The following EYS variants were observed in gnomAD, a reference collection of about 807,000 sequenced individuals.
EYS encodes the protein EGF-like photoreceptor maintenance factor.
EYS carries 250 observed loss-of-function variants against 282.1 expected under a neutral mutation model. That is an observed-to-expected ratio of 0.89 (90% CI 0.80 to 0.98). The LOEUF is 0.98. EYS is among the 50% of genes least tolerant of loss of function. The probability of loss-of-function intolerance (pLI) is 0.00; values close to 1 mark genes in which losing one functional copy is unlikely to be tolerated. For synonymous variants in EYS, 1,355 were observed against 1,282.9 expected, an observed-to-expected ratio of 1.06 and a Z score of -1.20; for missense variants, 4,016 against 3,709.0, an observed-to-expected ratio of 1.08 and a Z score of -2.15.
chr6:65,353,860 A>G (rs1764379838), intron 8 of EYS, among the ~76,000 whole-genome samples: 1 of 152,062 alleles, frequency 6.6e-6, no homozygotes, highest in Non-Finnish European at 1.5e-5. Flanking sequence ...CTCTCAATAT[A>G]CAACAGTCCC....
At chr6:65,103,815 CA>C (rs534233029) in intron 12 of EYS, among the ~76,000 whole-genome samples, 1 of 151,356 alleles carries the variant, frequency 6.6e-6, no homozygotes, top group Non-Finnish European at 1.5e-5. Context: ...TATGCTATAG[CA>C]TTAATAGTCA....
chr6:64,579,788 C>T (rs6901915), intron 26 of EYS, among the ~76,000 whole-genome samples: 51 of 152,196 alleles, frequency 3.4e-4, no homozygotes, highest in African/African-American at 5.3e-4. Flanking sequence ...CTCTTTCCTA[C>T]GTGAATCCTG....
At chr6:64,062,704 A>T (rs999093223) in intron 33 of EYS, among the ~76,000 whole-genome samples, 51 of 151,798 alleles carry the variant, frequency 3.4e-4, no homozygotes, top group African/African-American at 1.2e-3. Context: ...AAAAAAAAAA[A>T]AAAAAAGAAG....
chr6:64,009,925 T>C (rs1206991273), intron 33 of EYS, among the ~76,000 whole-genome samples: 4 of 152,108 alleles, frequency 2.6e-5, no homozygotes, highest in African/African-American at 4.8e-5. Context: ...TGTTTTTGCT[T>C]TTATCTTCTT....
At chr6:65,142,081 G>A (rs930287144) in intron 12 of EYS, among the ~76,000 whole-genome samples, 2 of 151,898 alleles carry the variant, frequency 1.3e-5, no homozygotes, top group African/African-American at 4.8e-5. Flanking sequence ...CTTTCAACTT[G>A]TTCATTGTAC....
chr6:65,590,111 C>T (rs914154396), intron 2 of EYS, among the ~76,000 whole-genome samples: 4 of 152,064 alleles, frequency 2.6e-5, no homozygotes, highest in Admixed American at 2.0e-4. Context: ...CCCACAATTC[C>T]ACTTTAATAT....
chr6:64,071,689 A>G (rs1171920628), intron 32 of EYS, among the ~76,000 whole-genome samples: 2 of 149,052 alleles, frequency 1.3e-5, no homozygotes, highest in Non-Finnish European at 3.0e-5. Context: ...ATACCTCCTG[A>G]TGCTAAATGA....
chr6:64,735,545 A>C (rs1186861585), intron 22 of EYS, among the ~76,000 whole-genome samples: 1 of 152,196 alleles, frequency 6.6e-6, no homozygotes, highest in East Asian at 1.9e-4. Context: ...TATAACTTAT[A>C]CTTTGTCTTA....
intron 7 of EYS, among the ~76,000 whole-genome samples, chr6:65,390,826 A>T (rs778871515): frequency 6.6e-6 from 1 of 151,992 alleles, no homozygotes; most frequent in Non-Finnish European, 1.5e-5. Flanking sequence ...TGAGACTGAC[A>T]TGAGCTTGGT....
intron 22 of EYS, among the ~76,000 whole-genome samples, chr6:64,676,005 T>C (rs1769652914): frequency 6.7e-6 from 1 of 150,016 alleles, no homozygotes; most frequent in African/African-American, 2.4e-5. Context: ...AGATTCTATA[T>C]ATCTAGATAT....
At chr6:64,474,635 T>C (rs9444883) in intron 26 of EYS, among the ~76,000 whole-genome samples, 3,262 of 152,302 alleles carry the variant, frequency 0.021, 60 homozygotes, top group African/African-American at 0.053. Context: ...AGAATTGATT[T>C]GACATAGTAA....
chr6:65,208,798 A>T (rs1445274455), intron 12 of EYS, among the ~76,000 whole-genome samples: 1 of 141,394 alleles, frequency 7.1e-6, no homozygotes, highest in Non-Finnish European at 1.6e-5. Context: ...CAAAGTGGAT[A>T]TGGTTGGAGG....
At chr6:65,302,900 G>C (rs776098671) in intron 11 of EYS, 4 of 1,613,944 alleles carry the variant, frequency 2.5e-6, no homozygotes, top group Middle Eastern at 1.7e-4. Context: ...CAAATTGTCT[G>C]TCCAGTCCAA....
chr6:64,294,061 AAT>A (rs1323897655), intron 30 of EYS, among the ~76,000 whole-genome samples: 2 of 149,112 alleles, frequency 1.3e-5, no homozygotes, highest in Non-Finnish European at 1.5e-5. Flanking sequence ...GTGACTATAA[AAT>A]AGAGATAGAA....
At chr6:65,391,269 A>G (rs1404668433) in intron 7 of EYS, among the ~76,000 whole-genome samples, 2 of 152,144 alleles carry the variant, frequency 1.3e-5, no homozygotes, top group Admixed American at 1.3e-4. Context: ...AATAGTAGCA[A>G]AAGCTACTCT....
chr6:64,728,128 G>A (rs985052608), intron 22 of EYS, among the ~76,000 whole-genome samples: 2 of 152,202 alleles, frequency 1.3e-5, no homozygotes, highest in East Asian at 3.9e-4. Context: ...CAGGAGCCAG[G>A]GCAAGTGCTT....
rs200404740 is a variant in EYS, at chr6:65,332,776, T to C, written c.1766+2204A>G. On this transcript the variant is annotated intron_variant, in intron 11 of 42. Coordinates refer to ENST00000503581, the MANE Select transcript of EYS (RefSeq NM_001142800.2). ...TCATCTAGCCATGAACATTTCATAGTGTTAATTTTTGTTAGTTTGTTTAAT... is the reference window on the plus strand; with the variant it reads ...TCATCTAGCCATGAACATTTCATAGCGTTAATTTTTGTTAGTTTGTTTAAT... 2.0e-5 allele frequency among the ~76,000 whole-genome samples: 3 copies of C among 151,516 alleles called. No homozygotes were observed. In the East Asian group the frequency reaches 5.9e-4, roughly 30 times the overall value.
chr6:65,176,687 T>C (rs1266173110), intron 12 of EYS, among the ~76,000 whole-genome samples: 1 of 151,634 alleles, frequency 6.6e-6, no homozygotes, highest in African/African-American at 2.4e-5. Flanking sequence ...AATCCAAATT[T>C]CAGTTCCTTG....
chr6:64,654,820 A>T (rs1196034871), intron 22 of EYS, among the ~76,000 whole-genome samples: 2 of 152,208 alleles, frequency 1.3e-5, no homozygotes, highest in East Asian at 3.9e-4. Flanking sequence ...ACAGCTATAC[A>T]TTATTAACAA....
Sources: allele counts gnomAD v4.1 joint callset (sites outside exome capture counted in the v4.1 genomes callset), GRCh38; gene constraint gnomAD v4.1.1; transcripts MANE v1.5; gene names NCBI Gene and HGNC (gene_info 2026-07-23, HGNC 2026-07-21).